Variants in GTF3C2 observed in about 807,000 individuals in gnomAD.
The protein encoded by GTF3C2 is general transcription factor IIIC subunit 2.
GTF3C2 carries 17 observed loss-of-function variants against 117.4 expected under a neutral mutation model. That is an observed-to-expected ratio of 0.14 (90% CI 0.10 to 0.22). The LOEUF is 0.22. Among genes scored for constraint, GTF3C2 ranks in the 10% least tolerant of loss-of-function variants. The probability of loss-of-function intolerance (pLI) is 1.00; values close to 1 mark genes in which losing one functional copy is unlikely to be tolerated. For synonymous variants in GTF3C2, 437 were observed against 427.0 expected (o/e 1.02, Z -0.29); for missense variants, 888 against 1,143.6 (o/e 0.78, Z 3.22).
At position 27,329,341 on chromosome 2, in the gene GTF3C2, T is replaced by A. The variant is rs1262994739; in HGVS notation, c.1877+38A>T. On this transcript the variant is annotated intron_variant, in intron 13 of 18. Coordinates refer to ENST00000264720, the Ensembl canonical transcript of GTF3C2. The surrounding 1 kb of genome is among the most constrained non-coding windows in gnomAD (Gnocchi z 4.5). ...AAATCCGGAAGTCAGCCTGTCCCAG[T>A]CTTCACCTTCCCCCTCCACATACCT... 1.9e-6 allele frequency: 3 copies of A among 1,613,772 alleles called. No homozygotes were observed. Among genetic ancestry groups the A allele is most frequent in the Non-Finnish European group, 2.5e-6 (3 of 1,179,778 alleles).
intron 1 of GTF3C2, among the ~76,000 whole-genome samples, chr2:27,351,549 T>TA (rs1385064792): frequency 2.0e-5 from 3 of 152,190 alleles, no homozygotes; most frequent in African/African-American, 7.2e-5. Flanking sequence ...CCTAACTAAA[T>TA]AGGAGAGCCG....
At chr2:27,354,681 A>G (rs1277891867) in intron 1 of GTF3C2, among the ~76,000 whole-genome samples, 1 of 152,050 alleles carries the variant, frequency 6.6e-6, no homozygotes, top group Non-Finnish European at 1.5e-5. Context: ...CTTGAACCCA[A>G]GAGGCAGAGG....
At chr2:27,328,778 T>A (rs1260841942) in intron 15 of GTF3C2, 66 bp downstream of exon 15, 3 of 1,205,950 alleles carry the variant, frequency 2.5e-6, no homozygotes, top group Admixed American at 1.8e-5. Flanking sequence ...TGCCTCTGAC[T>A]ACTAATAGTG....
chr2:27,343,002 T>A (rs144309129), exon 3 of GTF3C2: 1 of 1,614,194 alleles, frequency 6.2e-7, no homozygotes, highest in Non-Finnish European at 8.5e-7. Flanking sequence ...GAGGGTTGGA[T>A]TGATCTAAGA....
chr2:27,342,148 T>C (rs1680759807), exon 4 of GTF3C2: 2 of 1,613,954 alleles, frequency 1.2e-6, no homozygotes. Context: ...GTGGGGCTGC[T>C]CACCTTGGGG....
exon 2 of GTF3C2, chr2:27,343,429 C>A: frequency 6.2e-7 from 1 of 1,614,082 alleles, no homozygotes; most frequent in South Asian, 1.1e-5. Context: ...CTGCACTGGT[C>A]ATTTCTGAAG....
intron 12 of GTF3C2, among the ~76,000 whole-genome samples, chr2:27,332,437 C>CAA (rs763799727): frequency 6.6e-6 from 1 of 151,168 alleles, no homozygotes; most frequent in Non-Finnish European, 1.5e-5. Context: ...TTTTTTGAGA[C>CAA]AGAGTCTCGC....
chr2:27,327,198 C>T, exon 18 of GTF3C2: 1 of 1,591,700 alleles, frequency 6.3e-7, no homozygotes, highest in Non-Finnish European at 8.6e-7. Flanking sequence ...CCTCCAGCTG[C>T]AGCCTGTCCA....
intron 1 of GTF3C2, among the ~76,000 whole-genome samples, chr2:27,353,330 C>T (rs1377026084): frequency 1.3e-5 from 2 of 150,300 alleles, no homozygotes; most frequent in Non-Finnish European, 3.0e-5. Flanking sequence ...TTGCAGTGAG[C>T]CAAGATTGCA....
At chr2:27,338,149 A>T in intron 4 of GTF3C2, 129 bp from the exon 5 acceptor site, 1 of 689,456 alleles carries the variant, frequency 1.5e-6, no homozygotes, top group Non-Finnish European at 2.6e-6. Context: ...CCCTATCAGC[A>T]TCTTAAAAGA....
Position 27,329,279 on chromosome 2 carries a change from A to G in GTF3C2, c.1881T>C (p.His627=). The G allele has an allele frequency of 6.2e-7, 1 of 1,614,232 alleles. No homozygotes were observed. The highest frequency in any genetic ancestry group is 8.5e-7 in the Non-Finnish European group (1 of 1,180,040). Residue 627 remains histidine, a synonymous_variant, in exon 14 of 19, where the codon CAT becomes CAC. Transcript: ENST00000264720. This position sits in a 1 kb window ranked among gnomAD's most constrained non-coding sequence, Gnocchi z 4.5. ...GGTCACTCCCCGCAGAGACAAGGAAATGGCTGTAAAAAGACGGGAGAAGGT... is the reference window on the plus strand; with the variant it reads ...GGTCACTCCCCGCAGAGACAAGGAAGTGGCTGTAAAAAGACGGGAGAAGGT...
At chr2:27,338,436 A>ACACAGGCG (rs1409159053) in intron 4 of GTF3C2, among the ~76,000 whole-genome samples, 1 of 131,706 alleles carries the variant, frequency 7.6e-6, no homozygotes, top group Non-Finnish European at 1.6e-5. Flanking sequence ...TCGCCCCTCT[A>ACACAGGCG]CACAGGCGCG....
chr2:27,332,683 G>T (rs1304940461), intron 12 of GTF3C2, among the ~76,000 whole-genome samples: 5 of 151,814 alleles, frequency 3.3e-5, no homozygotes, highest in Non-Finnish European at 7.4e-5. Context: ...CAGAGTGCTG[G>T]GATTACAGGC....
intron 12 of GTF3C2, among the ~76,000 whole-genome samples, chr2:27,331,094 G>A (rs980891043): frequency 1.3e-5 from 2 of 152,200 alleles, no homozygotes; most frequent in East Asian, 3.8e-4. Context: ...TTATAGCCAT[G>A]CAATATAAAT....
intron 1 of GTF3C2, among the ~76,000 whole-genome samples, chr2:27,345,262 C>T (rs981348472): frequency 2.0e-5 from 3 of 151,472 alleles, no homozygotes; most frequent in Non-Finnish European, 4.4e-5. Context: ...AAAGCAACAC[C>T]GTCTCAAGTA....
chr2:27,339,338 G>C (rs952820786), intron 4 of GTF3C2, among the ~76,000 whole-genome samples: 2 of 150,904 alleles, frequency 1.3e-5, no homozygotes, highest in Admixed American at 1.3e-4. Context: ...ACCCGGGAGG[G>C]GTGGAGGTTG....
chr2:27,334,740 A>G (rs778224216), intron 10 of GTF3C2, among the ~76,000 whole-genome samples: 6 of 151,648 alleles, frequency 4.0e-5, no homozygotes, highest in African/African-American at 1.2e-4. Flanking sequence ...CCTCCTGGGC[A>G]TAAGTGATCC....
chr2:27,342,739 C>T (rs1680778432), intron 3 of GTF3C2, 87 bp downstream of exon 3: 2 of 987,952 alleles, frequency 2.0e-6, no homozygotes, highest in East Asian at 2.4e-5. Context: ...TACCTAATAC[C>T]TCATCAGTCT....
intron 10 of GTF3C2, chr2:27,335,279 C>T: frequency 1.9e-6 from 1 of 519,692 alleles, no homozygotes; most frequent in South Asian, 1.5e-5. Context: ...GGAGATGGGC[C>T]CTATCTATCA....
Sources: gnomAD v4.1 joint callset for allele counts (sites outside exome capture counted in the v4.1 genomes callset) on GRCh38, gnomAD v4.1.1 for gene constraint, Gnocchi (gnomAD v3.1) non-coding constraint, MANE v1.5 for transcripts, NCBI Gene and HGNC (gene_info 2026-07-23, HGNC 2026-07-21) for gene names.